TCAF1: variants seen among roughly 807,000 people sequenced by gnomAD.
TCAF1 encodes the protein TRPM8 channel-associated factor 1.
Under a neutral mutation model 27.3 loss-of-function variants are expected in TCAF1, and 4 were observed. The observed-to-expected ratio is 0.15, with a 90% CI of 0.07 to 0.34. TCAF1 has a LOEUF of 0.34. Ranked by LOEUF, TCAF1 falls within the 10% of genes least tolerant of loss-of-function variation. TCAF1 has a pLI of 1.00. For missense variants in TCAF1, 257 were observed against 425.8 expected (o/e 0.60, Z 3.49); for synonymous variants, 105 against 167.1 (o/e 0.63, Z 2.87).
chr7:143,878,789 C>G (rs911071425), intron 1 of TCAF1, among the ~76,000 whole-genome samples: 1 of 152,194 alleles, frequency 6.6e-6, no homozygotes. Flanking sequence ...GCTGCCATAT[C>G]CAGCTGGTCA....
intron 1 of TCAF1, among the ~76,000 whole-genome samples, chr7:143,901,124 ATTCGT>A (rs1814092555): frequency 6.6e-6 from 1 of 152,178 alleles, no homozygotes; most frequent in African/African-American, 2.4e-5. Context: ...ATGGTCAGGC[ATTCGT>A]TTCATTATTT....
chr7:143,885,086 A>AC (rs1813324128), intron 1 of TCAF1: 1 of 985,144 alleles, frequency 1.0e-6, no homozygotes, highest in Admixed American at 6.2e-5. Flanking sequence ...CTCCCCAAGG[A>AC]CCCCGACCCA....
chr7:143,852,131 TGA>T lies in TCAF1; in HGVS notation c.*2000_*2001del, dbSNP rs1426558397. ...CTATCAAGCCTCTTCTTATTCTTCA[TGA>T]ATAACTCAAAATCATGCCTCATTTT... On this transcript the variant is annotated 3_prime_UTR_variant, in exon 9 of 9. Coordinates refer to ENST00000479870, the MANE Select transcript of TCAF1 (RefSeq NM_014719.3). 3.3e-5 allele frequency: 5 copies of T among 151,200 alleles called. No individual in the cohort carries two copies. Among genetic ancestry groups the T allele is most frequent in the Admixed American group, 2.7e-4 (4 of 14,864 alleles). The allele number at this position is 151,200 out of a possible 1,614,324, so 9.4% of individuals were successfully genotyped here.
chr7:143,899,946 C>G (rs569019215), intron 1 of TCAF1, among the ~76,000 whole-genome samples: 1 of 152,172 alleles, frequency 6.6e-6, no homozygotes, highest in African/African-American at 2.4e-5. Flanking sequence ...TATTTCATAC[C>G]TGCCAGACTG....
At chr7:143,900,420 T>C (rs1210675011) in intron 1 of TCAF1, among the ~76,000 whole-genome samples, 1 of 152,120 alleles carries the variant, frequency 6.6e-6, no homozygotes, top group Non-Finnish European at 1.5e-5. Flanking sequence ...CCATTCTTTA[T>C]ACAGAGGCCC....
chr7:143,888,274 T>C (rs1243692784), intron 1 of TCAF1, among the ~76,000 whole-genome samples: 1 of 152,094 alleles, frequency 6.6e-6, no homozygotes, highest in Non-Finnish European at 1.5e-5. Context: ...CAGGAAACAT[T>C]GAAGGAAGCA....
At chr7:143,891,045 A>G (rs552082961) in intron 1 of TCAF1, among the ~76,000 whole-genome samples, 1 of 152,360 alleles carries the variant, frequency 6.6e-6, no homozygotes, top group East Asian at 1.9e-4. Flanking sequence ...GAAGAAGCAT[A>G]TCTTATGGTT....
chr7:143,895,803 T>C lies in TCAF1; in HGVS notation c.-15+6158A>G, dbSNP rs548916466. On this transcript the variant is annotated intron_variant, in intron 1 of 8. Transcript: ENST00000479870. ...TGCTAAATTAAATCTGTTATAAAAC[T>C]AGTTAAACATCTTAAAAATTAGGAA... Among the ~76,000 whole-genome samples the C allele has an allele frequency of 2.7e-3, 414 of 151,696 alleles. 3 individuals carry two copies. Among genetic ancestry groups the C allele is most frequent in the Middle Eastern group, 0.01 (3 of 294 alleles).
intron 1 of TCAF1, among the ~76,000 whole-genome samples, chr7:143,883,724 C>CA (rs1586784385): frequency 6.6e-6 from 1 of 152,248 alleles, no homozygotes; most frequent in Admixed American, 6.5e-5. Context: ...AGGCTGATCT[C>CA]AAATCACTGA....
At chr7:143,883,243 ATGCT>A (rs1312044236) in intron 1 of TCAF1, among the ~76,000 whole-genome samples, 1 of 152,102 alleles carries the variant, frequency 6.6e-6, no homozygotes, top group Non-Finnish European at 1.5e-5. Context: ...ATTGTTGAAT[ATGCT>A]TTTGTTTTTA....
intron 1 of TCAF1, among the ~76,000 whole-genome samples, chr7:143,884,088 G>A (rs1813260541): frequency 6.6e-6 from 1 of 152,202 alleles, no homozygotes; most frequent in Non-Finnish European, 1.5e-5. Flanking sequence ...GCTTAAGTTA[G>A]GTGAGTTTAT....
At chr7:143,881,247 T>C (rs1813002286) in intron 1 of TCAF1, among the ~76,000 whole-genome samples, 1 of 152,224 alleles carries the variant, frequency 6.6e-6, no homozygotes, top group African/African-American at 2.4e-5. Context: ...TTTTATTCTT[T>C]GGATGAATAG....
At chr7:143,860,033 A>AAT in intron 6 of TCAF1, among the ~76,000 whole-genome samples, 175 bp downstream of exon 6, 1 of 75,100 alleles carries the variant, frequency 1.3e-5, no homozygotes, top group Non-Finnish European at 2.4e-5. Flanking sequence ...TATATTATAT[A>AAT]TATAATATAT....
chr7:143,885,036 G>T (rs1476118291), intron 1 of TCAF1: 3 of 985,216 alleles, frequency 3.0e-6, no homozygotes, highest in Non-Finnish European at 3.6e-6. Context: ...CCAAAAACGC[G>T]ACCACTTTGG....
intron 1 of TCAF1, among the ~76,000 whole-genome samples, chr7:143,881,038 G>A (rs1812986458): frequency 6.6e-6 from 1 of 152,184 alleles, no homozygotes; most frequent in Non-Finnish European, 1.5e-5. Flanking sequence ...GGCACAACCT[G>A]TAACTCAGGG....
intron 1 of TCAF1, among the ~76,000 whole-genome samples, chr7:143,894,697 T>G (rs1334788191): frequency 1.3e-5 from 2 of 151,718 alleles, no homozygotes; most frequent in Non-Finnish European, 3.0e-5. Flanking sequence ...TGTTTGGATT[T>G]ATTAACAATA....
intron 1 of TCAF1, chr7:143,885,608 T>G: frequency 1.6e-5 from 15 of 956,382 alleles, no homozygotes; most frequent in African/African-American, 1.8e-5. Context: ...TGATGATCTC[T>G]GTGTAAAATA....
At chr7:143,893,301 C>A (rs1055354986) in intron 1 of TCAF1, among the ~76,000 whole-genome samples, 19 of 152,030 alleles carry the variant, frequency 1.2e-4, no homozygotes, top group Non-Finnish European at 2.6e-4. Flanking sequence ...GAAGAAAAGA[C>A]AAGTCCACAA....
intron 1 of TCAF1, among the ~76,000 whole-genome samples, chr7:143,898,691 A>T (rs191000858): frequency 3.0e-4 from 45 of 152,350 alleles, no homozygotes; most frequent in Admixed American, 2.4e-3. Context: ...AAATAGTGTC[A>T]TATACCATGT....
Sources: allele counts gnomAD v4.1 joint callset (sites outside exome capture counted in the v4.1 genomes callset), GRCh38; gene constraint gnomAD v4.1.1; transcripts MANE v1.5; gene names NCBI Gene and HGNC (gene_info 2026-07-23, HGNC 2026-07-21).